Variants in TASOR2 observed in about 807,000 individuals in gnomAD.
The protein encoded by TASOR2 is protein TASOR 2.
In TASOR2, 84 loss-of-function variants were observed where a neutral mutation model predicts 199.5. The ratio of observed to expected loss-of-function variants is 0.42; its 90% CI spans 0.35 to 0.50. The LOEUF (loss-of-function observed/expected upper bound fraction) is 0.50, where lower values mean the gene tolerates loss of function less well. Among genes scored for constraint, TASOR2 ranks in the 20% least tolerant of loss-of-function variants. The probability of loss-of-function intolerance (pLI) is 0.02; values close to 1 mark genes in which losing one functional copy is unlikely to be tolerated. For synonymous variants in TASOR2, 1,103 were observed against 1,046.6 expected (o/e 1.05, Z -1.04); for missense variants, 2,796 against 2,835.9 (o/e 0.99, Z 0.32).
chr10:5,745,980 G>A (rs933055823), intron 14 of TASOR2, among the ~76,000 whole-genome samples, 199 bp from the exon 16 acceptor site: 1 of 152,078 alleles, frequency 6.6e-6, no homozygotes, highest in Non-Finnish European at 1.5e-5. Flanking sequence ...AATCCCACTG[G>A]GGGGTATTTT....
intron 16 of TASOR2, 62 bp from the exon 18 acceptor site, chr10:5,757,458 A>T: frequency 6.8e-7 from 1 of 1,480,786 alleles, no homozygotes; most frequent in African/African-American, 1.4e-5. Context: ...AAAGCAAGGG[A>T]GTGTCTAAGA....
chr10:5,717,876 G>A (rs1297390932), intron 3 of TASOR2, 126 bp downstream of exon 4: 5 of 399,394 alleles, frequency 1.3e-5, no homozygotes, highest in African/African-American at 2.1e-5. Flanking sequence ...TTCAGGAAAA[G>A]CAAAACTATT....
At chr10:5,723,639 T>C in intron 6 of TASOR2, 38 bp from the exon 8 acceptor site, 1 of 1,290,128 alleles carries the variant, frequency 7.8e-7, no homozygotes. Context: ...AGATCCACTG[T>C]TTATTATTCT....
chr10:5,732,375 A>G (rs1834938554), intron 11 of TASOR2, among the ~76,000 whole-genome samples: 1 of 152,240 alleles, frequency 6.6e-6, no homozygotes, highest in African/African-American at 2.4e-5. Context: ...GCTGTGACAG[A>G]AGCCACATGA....
chr10:5,760,683 A>T (rs542472901), intron 18 of TASOR2, among the ~76,000 whole-genome samples: 2 of 152,354 alleles, frequency 1.3e-5, no homozygotes, highest in East Asian at 3.9e-4. Context: ...TTTATACAGG[A>T]AAAAGTGAAA....
Position 5,740,165 on chromosome 10 carries a change from G to T in TASOR2, c.1995G>T (p.Lys665Asn), listed in dbSNP as rs772789988. 1.2e-6 allele frequency: 2 copies of T among 1,614,202 alleles called. No individual in the cohort carries two copies. The highest frequency in any genetic ancestry group is 1.7e-6 in the Non-Finnish European group (2 of 1,180,050). ...CCCTGCTCCTTACAGAACATTCAAA[G>T]AAACATCTACAGGAGAGAGAGATAC... Residue 665 changes from lysine to asparagine, a missense_variant, in exon 13 of 21, where the codon AAG (lysine) becomes AAT (asparagine). Physicochemically the swap from Lys to Asn is moderately conservative, Grantham distance 94 (BLOSUM62 0). Coordinates refer to ENST00000328090, the Ensembl canonical transcript of TASOR2. This position sits in a 1 kb window ranked among gnomAD's most constrained non-coding sequence, Gnocchi z 5.3.
Position 5,719,392 on chromosome 10 carries a change from G to C in TASOR2, c.-99-1152G>C, listed in dbSNP as rs1184601182. On this transcript the variant is annotated intron_variant, in intron 3 of 20. Transcript: ENST00000328090. The surrounding 1 kb of genome is among the most constrained non-coding windows in gnomAD (Gnocchi z 4.1). ...AGAGTCTTGCTCTGTTGCCAGGCTGGAGTGTAGTGACACAATCTCAGCTCA... is the reference window on the plus strand; with the variant it reads ...AGAGTCTTGCTCTGTTGCCAGGCTGCAGTGTAGTGACACAATCTCAGCTCA... Among the ~76,000 whole-genome samples, 1 of 152,000 alleles carries C rather than the reference G, an allele frequency of 6.6e-6. No homozygotes were observed. Among genetic ancestry groups the C allele is most frequent in the African/African-American group, 2.4e-5 (1 of 41,364 alleles).
In TASOR2 at chr10:5,748,731, G is replaced by C; in HGVS notation, c.5310G>C (p.Glu1770Asp). The C allele has an allele frequency of 4.3e-6, 7 of 1,614,196 alleles. No individual in the cohort carries two copies. The highest frequency in any genetic ancestry group is 5.9e-6 in the Non-Finnish European group (7 of 1,180,042). Residue 1770 changes from glutamate to aspartate, a missense_variant, in exon 15 of 21, where the codon GAG becomes GAC. Transcript: ENST00000328090. This position sits in a 1 kb window ranked among gnomAD's most constrained non-coding sequence, Gnocchi z 5.1. ...ACACCAAGGAAAACCTCAGTAAAGA[G>C]CCTTTGGCCTCCTTTGTTTCAGAAT...
rs1835943949 is a variant in TASOR2, at chr10:5,738,607, G to A, written c.1448-1011G>A. Among the ~76,000 whole-genome samples, 1 of 152,108 alleles carries A rather than the reference G, an allele frequency of 6.6e-6. No homozygotes were observed. The highest frequency in any genetic ancestry group is 2.4e-5 in the African/African-American group (1 of 41,418). ...CCCCATGTATGTGCATGCCCTTGTC[G>A]TTCTAATTGATGACATCATAGGCTG... On this transcript the variant is annotated intron_variant, in intron 12 of 20. Coordinates refer to ENST00000328090, the Ensembl canonical transcript of TASOR2. The surrounding 1 kb of genome is among the most constrained non-coding windows in gnomAD (Gnocchi z 4.7).
At chr10:5,734,281 A>G (rs1835250193) in intron 11 of TASOR2, among the ~76,000 whole-genome samples, 1 of 152,128 alleles carries the variant, frequency 6.6e-6, no homozygotes, top group South Asian at 2.1e-4. Context: ...TTTTTATGCC[A>G]TGTGAGAAGC....
rs186311003 is a variant in TASOR2, at chr10:5,716,807, C to A, written c.-191-852C>A. Among the ~76,000 whole-genome samples, 30 of 151,918 alleles carry A rather than the reference C, an allele frequency of 2.0e-4. No homozygotes were observed. In the East Asian group the frequency reaches 5.8e-3, roughly 29 times the overall value. ...GCATGCACCTGTAATCCCAGCTACT[C>A]AGGTGGCCAAGACTCGAGAGTTGCT... is the stretch of plus-strand genomic sequence containing the variant. On this transcript the variant is annotated intron_variant, in intron 2 of 20. Coordinates refer to ENST00000328090, the Ensembl canonical transcript of TASOR2.
chr10:5,707,736 A>T (rs1317592134), intron 1 of TASOR2, among the ~76,000 whole-genome samples: 326 of 15,474 alleles, frequency 0.021, 3 homozygotes, highest in African/African-American at 0.027. Context: ...TCACACACAC[A>T]CACACACACA....
chr10:5,735,967 G>A (rs1210912234), intron 12 of TASOR2, among the ~76,000 whole-genome samples: 1 of 152,154 alleles, frequency 6.6e-6, no homozygotes, highest in South Asian at 2.1e-4. Flanking sequence ...CCAGAATCCT[G>A]TATTTAGTTT....
At chr10:5,700,906 G>A (rs889455613) in intron 1 of TASOR2, among the ~76,000 whole-genome samples, 1 of 151,608 alleles carries the variant, frequency 6.6e-6, no homozygotes, top group African/African-American at 2.4e-5. Context: ...TGAGTAGTTT[G>A]CAAATATTTT....
At chr10:5,744,166 A>G (rs1040650671) in intron 14 of TASOR2, 1 of 152,254 alleles carries the variant, frequency 6.6e-6, no homozygotes, top group Non-Finnish European at 1.5e-5. Flanking sequence ...GACTGAGGCT[A>G]AACGTTACCA....
At chr10:5,691,317 C>T (rs1836403727) in intron 1 of TASOR2, among the ~76,000 whole-genome samples, 1 of 151,768 alleles carries the variant, frequency 6.6e-6, no homozygotes, top group African/African-American at 2.4e-5. Context: ...AGCCTGATTA[C>T]CAAAAATACT....
intron 3 of TASOR2, among the ~76,000 whole-genome samples, chr10:5,718,813 C>T (rs1457273482): frequency 6.7e-6 from 1 of 150,208 alleles, no homozygotes; most frequent in Admixed American, 6.6e-5. Context: ...GAGGTACAAT[C>T]ACTAGTTTTC....
At chr10:5,686,205 G>A (rs1269403884) in intron 1 of TASOR2, among the ~76,000 whole-genome samples, 3 of 152,240 alleles carry the variant, frequency 2.0e-5, no homozygotes, top group African/African-American at 7.2e-5. Context: ...GGAAGACCAA[G>A]ACGGTATATT....
At chr10:5,733,966 A>G (rs1042398623) in intron 11 of TASOR2, among the ~76,000 whole-genome samples, 2 of 152,210 alleles carry the variant, frequency 1.3e-5, no homozygotes, top group Admixed American at 6.5e-5. Context: ...TTTTAAAACT[A>G]TTCATTTCGC....
Sources: gnomAD v4.1 joint callset for allele counts (sites outside exome capture counted in the v4.1 genomes callset) on GRCh38, gnomAD v4.1.1 for gene constraint, Gnocchi (gnomAD v3.1) non-coding constraint, MANE v1.5 for transcripts, NCBI Gene and HGNC (gene_info 2026-07-23, HGNC 2026-07-21) for gene names.